The following GALNT13 variants were observed in gnomAD, a reference collection of about 807,000 sequenced individuals.
The protein encoded by GALNT13 is polypeptide N-acetylgalactosaminyltransferase 13.
In GALNT13, 28 loss-of-function variants were observed where a neutral mutation model predicts 64.2. The ratio of observed to expected loss-of-function variants is 0.44; its 90% CI spans 0.32 to 0.60. GALNT13 has a LOEUF of 0.60. Ranked by LOEUF, GALNT13 falls within the 20% of genes least tolerant of loss-of-function variation. The pLI is 0.05. For synonymous variants in GALNT13, 214 were observed against 224.6 expected (o/e 0.95, Z 0.42); for missense variants, 577 against 669.8 (o/e 0.86, Z 1.53).
chr2:153,787,733 G>C, the GALNT13 span, among the ~76,000 whole-genome samples: 62,478 of 151,938 alleles, frequency 0.41, 14,804 homozygotes, highest in Middle Eastern at 0.55. Flanking sequence ...AAAATAGGTA[G>C]TATAAAAAAG....
chr2:153,387,683 A>T, the GALNT13 span, among the ~76,000 whole-genome samples: 1 of 152,068 alleles, frequency 6.6e-6, no homozygotes, highest in Admixed American at 6.6e-5. Flanking sequence ...AAGTCACTCA[A>T]CACAACTCTT....
At chr2:154,268,861 C>G (rs954122981) in intron 8 of GALNT13, among the ~76,000 whole-genome samples, 2 of 152,070 alleles carry the variant, frequency 1.3e-5, no homozygotes, top group Admixed American at 1.3e-4. Context: ...TATAAATAAA[C>G]TGTATGGCAA....
intron 4 of GALNT13, among the ~76,000 whole-genome samples, chr2:154,141,019 A>T (rs1209311016): frequency 2.0e-5 from 3 of 152,190 alleles, no homozygotes. Flanking sequence ...ACTGTACTGA[A>T]CACTAGAGAT....
At chr2:154,436,023 A>G (rs945509844) in intron 11 of GALNT13, 5 of 152,204 alleles carry the variant, frequency 3.3e-5, no homozygotes, top group Non-Finnish European at 1.5e-5. Context: ...AGAGTAAAAG[A>G]CATCCTAGAA....
rs146062796 is a variant in GALNT13 at position 154,299,753 on chromosome 2, G to T, written c.976-1656G>T. 7.5e-3 allele frequency among the ~76,000 whole-genome samples: 1,142 copies of T among 151,798 alleles called. 18 individuals are homozygous for T. The highest frequency in any genetic ancestry group is 0.025 in the African/African-American group (1,042 of 41,386). On this transcript the variant is annotated intron_variant, in intron 8 of 12. Transcript: ENST00000392825. ...GCTGGGATTACAGGCGTGAGCCACC[G>T]CGCCCGGCCTGAAATACGTTGATTA...
intron 9 of GALNT13, among the ~76,000 whole-genome samples, chr2:154,351,891 TAATC>T (rs1319386555): frequency 6.6e-6 from 1 of 152,020 alleles, no homozygotes; most frequent in Non-Finnish European, 1.5e-5. Context: ...TAAAACATAT[TAATC>T]AAGCATAGAC....
the GALNT13 span, among the ~76,000 whole-genome samples, chr2:153,219,493 A>G: frequency 2.0e-5 from 3 of 152,224 alleles, no homozygotes; most frequent in Non-Finnish European, 2.9e-5. Context: ...CAGCTGTCTC[A>G]AGGATTTTAG....
At chr2:153,846,027 T>C in the GALNT13 span, among the ~76,000 whole-genome samples, 1 of 152,164 alleles carries the variant, frequency 6.6e-6, no homozygotes, top group Non-Finnish European at 1.5e-5. Flanking sequence ...TAATGTGAAG[T>C]CTTTTCCAGA....
intron 3 of GALNT13, among the ~76,000 whole-genome samples, chr2:154,093,199 A>C (rs911839621): frequency 6.6e-6 from 1 of 152,018 alleles, no homozygotes; most frequent in Non-Finnish European, 1.5e-5. Context: ...TATTCATTTT[A>C]AACTGTATCT....
At chr2:153,277,918 C>CTTTTA in the GALNT13 span, among the ~76,000 whole-genome samples, 1 of 39,210 alleles carries the variant, frequency 2.6e-5, no homozygotes, top group African/African-American at 1.0e-4. Context: ...CTTTTGTTTT[C>CTTTTA]TTTTCTTTCT....
At chr2:153,976,159 G>T (rs1312477066) in intron 3 of GALNT13, among the ~76,000 whole-genome samples, 1 of 151,874 alleles carries the variant, frequency 6.6e-6, no homozygotes, top group Non-Finnish European at 1.5e-5. Flanking sequence ...ACCTGTAGAG[G>T]ATATGTTCTA....
chr2:153,080,600 T>G, the GALNT13 span, among the ~76,000 whole-genome samples: 1 of 152,172 alleles, frequency 6.6e-6, no homozygotes, highest in Non-Finnish European at 1.5e-5. Context: ...AAAGATATAT[T>G]ATCTATTGAA....
chr2:154,452,256 G>A lies in GALNT13; in HGVS notation c.*1705G>A, dbSNP rs1371128483. On this transcript the variant is annotated 3_prime_UTR_variant, in exon 13 of 13. Coordinates refer to ENST00000392825, the MANE Select transcript of GALNT13 (RefSeq NM_052917.4). ...ATATCAGGGCATTTTTTTTTCTGAG[G>A]TGGGAGTATGTCACTCACAGCAAAC... 2 of 151,836 alleles carry A rather than the reference G, an allele frequency of 1.3e-5. No homozygotes were observed. The highest frequency in any genetic ancestry group is 4.2e-4 in the South Asian group (2 of 4,818). 9.4% of individuals were successfully genotyped at this position (151,836 alleles called of 1,614,324 possible).
At chr2:153,622,762 T>A in the GALNT13 span, among the ~76,000 whole-genome samples, 1 of 152,178 alleles carries the variant, frequency 6.6e-6, no homozygotes, top group African/African-American at 2.4e-5. Flanking sequence ...ACATTTATCA[T>A]TTTTACAAGC....
the GALNT13 span, among the ~76,000 whole-genome samples, chr2:153,784,765 A>G: frequency 6.6e-6 from 1 of 152,188 alleles, no homozygotes. Context: ...CTCGCAGGAT[A>G]AGACACACTG....
chr2:153,255,040 CGTT>C, the GALNT13 span, among the ~76,000 whole-genome samples: 1 of 151,992 alleles, frequency 6.6e-6, no homozygotes, highest in Non-Finnish European at 1.5e-5. Context: ...CTTTCTGTCT[CGTT>C]GATCTGTCTA....
chr2:154,029,414 T>C (rs915844121), intron 3 of GALNT13, among the ~76,000 whole-genome samples: 40 of 152,110 alleles, frequency 2.6e-4, no homozygotes, highest in African/African-American at 8.7e-4. Flanking sequence ...GAGCAGATAC[T>C]GAGAAAAGAA....
chr2:154,151,195 G>C (rs1197903371), intron 4 of GALNT13, among the ~76,000 whole-genome samples: 2 of 152,240 alleles, frequency 1.3e-5, no homozygotes, highest in Non-Finnish European at 2.9e-5. Flanking sequence ...GTATCCAGTA[G>C]TCATTCAGGA....
At chr2:153,776,820 A>G in the GALNT13 span, among the ~76,000 whole-genome samples, 8 of 151,908 alleles carry the variant, frequency 5.3e-5, no homozygotes, top group African/African-American at 1.7e-4. Flanking sequence ...CATTTCCTTG[A>G]CTCCTTATTT....
Sources: gnomAD v4.1 joint callset for allele counts (sites outside exome capture counted in the v4.1 genomes callset) on GRCh38, gnomAD v4.1.1 for gene constraint, MANE v1.5 for transcripts, NCBI Gene and HGNC (gene_info 2026-07-23, HGNC 2026-07-21) for gene names.